The following RPL13A variants were observed in gnomAD, a reference collection of about 807,000 sequenced individuals.
RPL13A encodes large ribosomal subunit protein uL13.
Under a neutral mutation model 30.8 loss-of-function variants are expected in RPL13A, and 4 were observed. That is an observed-to-expected ratio of 0.13 (90% CI 0.06 to 0.30). The LOEUF (loss-of-function observed/expected upper bound fraction) is 0.30, where lower values mean the gene tolerates loss of function less well. RPL13A is among the 10% of genes least tolerant of loss of function. RPL13A has a pLI of 1.00. For synonymous variants in RPL13A, 108 were observed against 104.2 expected (o/e 1.04, Z -0.22); for missense variants, 196 against 272.6 (o/e 0.72, Z 1.98).
At chr19:49,488,517 T>C (rs1273919574) in intron 1 of RPL13A, among the ~76,000 whole-genome samples, 1 of 152,230 alleles carries the variant, frequency 6.6e-6, no homozygotes, top group Admixed American at 6.5e-5. Context: ...GTTAACCATA[T>C]TCCTGAGGCA....
chr19:49,491,279 C>G, intron 6 of RPL13A, 146 bp from the exon 7 acceptor site: 1 of 1,164,266 alleles, frequency 8.6e-7, no homozygotes, highest in Non-Finnish European at 1.3e-6. Context: ...GGGTGCTTTT[C>G]TAACAGGCCT....
chr19:49,490,427 GGGGGTGCTGGTAGAC>G, intron 3 of RPL13A, 33 bp from the exon 4 acceptor site: 1 of 1,602,434 alleles, frequency 6.2e-7, no homozygotes, highest in East Asian at 2.2e-5. Flanking sequence ...GTGGGGTTTT[GGGGGTGCTGGTAGAC>G]TGGGCAGGCC....
In RPL13A at chr19:49,487,958, C is replaced by G. The variant is rs2079823490; in HGVS notation, c.15+314C>G. Among the ~76,000 whole-genome samples the G allele has an allele frequency of 3.3e-5, 5 of 151,738 alleles. No homozygotes were observed. The South Asian group carries it at 1.0e-3, about 32-fold the overall frequency. On this transcript the variant is annotated intron_variant, in intron 1 of 7. Transcript: ENST00000391857. ...GGGGGCCCTGGGGTAGAGTCTTGGC[C>G]GAATTGGACCCTTGTGTGTCCTCAG...
At chr19:49,491,582 C>T in intron 7 of RPL13A, 35 bp downstream of exon 7, 1 of 1,554,648 alleles carries the variant, frequency 6.4e-7, no homozygotes, top group South Asian at 1.2e-5. Context: ...GGGGGCATCT[C>T]ACTCCTGGAC....
Position 49,492,120 on chromosome 19 carries a change from C to A in RPL13A, c.*305C>A, listed in dbSNP as rs10425778. 1 of 358,250 alleles carries A rather than the reference C, an allele frequency of 2.8e-6. No homozygotes were observed. The highest frequency in any genetic ancestry group is 2.1e-5 in the African/African-American group (1 of 47,992). The allele number at this position is 358,250 out of a possible 1,614,324, so 22.2% of individuals were successfully genotyped here. A position where few individuals can be genotyped will look rare whatever the true frequency, so the allele number is the denominator to read the frequency against. ...GTGAGTGGGGCATCTGTTGGACTTT[C>A]CACCTGGTCATATACTCTGCAGCTG... is the stretch of plus-strand genomic sequence containing the variant. On this transcript the variant is annotated 3_prime_UTR_variant, in exon 8 of 8. Coordinates refer to ENST00000391857, the MANE Select transcript of RPL13A (RefSeq NM_012423.4).
chr19:49,489,912 G>T lies in RPL13A; in HGVS notation c.78G>T (p.Gln26His), dbSNP rs771774939. Residue 26 changes from glutamine (Q) to histidine (H), a missense_variant, in exon 2 of 8, where the codon CAG (glutamine) becomes CAT (histidine). By Grantham distance (24) the Gln-to-His change is conservative. Coordinates refer to ENST00000391857, the MANE Select transcript of RPL13A (RefSeq NM_012423.4). Reference protein sequence around the residue: ...LGRLAAIVAKQVLLGRKVVVV... With the variant: ...LGRLAAIVAKHVLLGRKVVVV... Reference sequence around the variant, plus strand: ...GCCTGGCGGCCATCGTGGCTAAACAGGTACTGCTGGGTAAGTCGCTGCTCG... The same window carrying T: ...GCCTGGCGGCCATCGTGGCTAAACATGTACTGCTGGGTAAGTCGCTGCTCG... The T allele has an allele frequency of 6.2e-7, 1 of 1,613,482 alleles. No homozygotes were observed. Among genetic ancestry groups the T allele is most frequent in the African/African-American group, 1.3e-5 (1 of 74,946 alleles).
chr19:49,491,398 G>A (rs767569947), intron 6 of RPL13A, 27 bp from the exon 7 acceptor site: 31 of 700,736 alleles, frequency 4.4e-5, no homozygotes, highest in Non-Finnish European at 6.0e-5. Context: ...AACTTCATTT[G>A]TTCACCCCCC....
chr19:49,491,363 G>T, intron 6 of RPL13A, 62 bp from the exon 7 acceptor site: 1 of 1,454,302 alleles, frequency 6.9e-7, no homozygotes. Context: ...GGCTCTTCAG[G>T]GTGTGGGGGC....
chr19:49,491,600 G>A (rs1271397606), intron 7 of RPL13A, 53 bp downstream of exon 7: 24 of 1,556,122 alleles, frequency 1.5e-5, no homozygotes, highest in Non-Finnish European at 1.8e-5. Context: ...GACAGGCCTG[G>A]CAGGTGCCTT....
intron 4 of RPL13A, 61 bp downstream of exon 4, chr19:49,490,637 C>A: frequency 6.3e-7 from 1 of 1,583,024 alleles, no homozygotes; most frequent in South Asian, 1.1e-5. Flanking sequence ...GAGAACTTCT[C>A]CCACTCACAT....
intron 3 of RPL13A, 48 bp from the exon 4 acceptor site, chr19:49,490,427 G>A (rs369828581): frequency 3.1e-6 from 5 of 1,602,316 alleles, no homozygotes; most frequent in South Asian, 1.1e-5. Flanking sequence ...GTGGGGTTTT[G>A]GGGGTGCTGG....
Position 49,487,655 on chromosome 19 carries a change from C to A in RPL13A, c.15+11C>A. 2 of 1,540,942 alleles carry A rather than the reference C, an allele frequency of 1.3e-6. No individual in the cohort carries two copies. The highest frequency in any genetic ancestry group is 2.5e-5 in the East Asian group (1 of 40,350). On this transcript the variant is annotated intron_variant, in intron 1 of 7. Transcript: ENST00000391857. ...ATGGCGGAGGTGCAGGTATGGGCTC[C>A]GCGCGGGCCGGGGCGGCAAGGGGCC...
chr19:49,490,180 G>T, intron 2 of RPL13A, 52 bp from the exon 3 acceptor site: 3 of 1,553,786 alleles, frequency 1.9e-6, no homozygotes, highest in Non-Finnish European at 1.8e-6. Flanking sequence ...TGCATAGGCA[G>T]TGGTGGGACC....
chr19:49,490,134 G>C, intron 2 of RPL13A, 98 bp from the exon 3 acceptor site: 2 of 1,244,866 alleles, frequency 1.6e-6, no homozygotes, highest in Admixed American at 3.4e-5. Flanking sequence ...CAGGAACTTA[G>C]CTCTGGCAAG....
chr19:49,487,715 C>G (rs1163687243), intron 1 of RPL13A, 71 bp downstream of exon 1: 1 of 1,412,664 alleles, frequency 7.1e-7, no homozygotes, highest in African/African-American at 1.5e-5. Context: ...GTCGCACCCT[C>G]TCTGTCTTGC....
In RPL13A at chr19:49,490,246, G is replaced by A. The variant is rs773351776; in HGVS notation, c.103G>A (p.Val35Ile). The change falls in exon 3 of 8, where the codon GTC becomes ATC. Residue 35 changes from valine to isoleucine, a missense_variant. Physicochemically the swap from Val to Ile is conservative, Grantham distance 29. Transcript: ENST00000391857. ...CCTCCCTCTAGGCCGGAAGGTGGTGGTCGTACGCTGTGAAGGCATCAACAT... is the reference window on the plus strand; with the variant it reads ...CCTCCCTCTAGGCCGGAAGGTGGTGATCGTACGCTGTGAAGGCATCAACAT... ...KQVLLGRKVV[V>I]VRCEGINISG... The A allele has an allele frequency of 3.7e-6, 6 of 1,614,174 alleles. No homozygotes were observed. The highest frequency in any genetic ancestry group is 5.1e-6 in the Non-Finnish European group (6 of 1,180,034).
At chr19:49,491,002 C>T (rs1358430272) in intron 5 of RPL13A, 38 bp from the exon 6 acceptor site, 3 of 1,613,238 alleles carry the variant, frequency 1.9e-6, no homozygotes, top group East Asian at 2.2e-5. Context: ...CCCTGTCTGT[C>T]CCTCCCGGGC....
chr19:49,489,549 C>T (rs2079843389), intron 1 of RPL13A, among the ~76,000 whole-genome samples: 1 of 152,164 alleles, frequency 6.6e-6, no homozygotes, highest in Non-Finnish European at 1.5e-5. Context: ...CCTTGCTGGT[C>T]TTCGTTCAAA....
At chr19:49,490,069 T>C (rs528604303) in intron 2 of RPL13A, 147 bp downstream of exon 2, 27 of 1,003,042 alleles carry the variant, frequency 2.7e-5, no homozygotes, top group African/African-American at 2.1e-4. Flanking sequence ...TTCCCCAGGG[T>C]TGGGGACTCC....
Sources: allele counts gnomAD v4.1 joint callset (sites outside exome capture counted in the v4.1 genomes callset), GRCh38; gene constraint gnomAD v4.1.1; transcripts MANE v1.5; gene names NCBI Gene and HGNC (gene_info 2026-07-23, HGNC 2026-07-21).